The following IQCE variants were observed in gnomAD, a reference collection of about 807,000 sequenced individuals.
IQCE encodes IQ domain-containing protein E.
Under a neutral mutation model 96.0 loss-of-function variants are expected in IQCE, and 115 were observed. That is an observed-to-expected ratio of 1.20 (90% confidence interval 1.03 to 1.40). IQCE has a LOEUF of 1.40. Ranked by LOEUF, IQCE falls within the 40% of genes most tolerant of loss-of-function variation. The pLI, the probability that IQCE is intolerant of heterozygous loss-of-function variation, is 0.00. For missense variants in IQCE, 1,041 were observed against 909.1 expected, an observed-to-expected ratio of 1.15 and a Z score of -1.87; for synonymous variants, 412 against 371.2, an observed-to-expected ratio of 1.11 and a Z score of -1.26.
intron 16 of IQCE, among the ~76,000 whole-genome samples, chr7:2,597,449 C>G (rs1784129559): frequency 6.6e-6 from 1 of 152,246 alleles, no homozygotes; most frequent in African/African-American, 2.4e-5. Flanking sequence ...CCAGAGCAAG[C>G]CGTTCTGTGT....
rs932403490 is a variant in IQCE at position 2,594,781 on chromosome 7, G to A, written c.1350-105G>A. The A allele has an allele frequency of 1.8e-5, 14 of 787,868 alleles. No individual in the cohort carries two copies. In the African/African-American group the frequency reaches 2.4e-4, roughly 13 times the overall value. 48.8% of individuals were successfully genotyped at this position (787,868 alleles called of 1,614,324 possible). On this transcript the variant is annotated intron_variant, in intron 15 of 21. Transcript: ENST00000402050. ...CCACCAGCTCTCTACAGGCTGCCTG[G>A]TGTCCCCCTGTCTCCGCCTGGACCG... is the stretch of plus-strand genomic sequence containing the variant.
In IQCE at chr7:2,610,085, G is replaced by C. The variant is rs1347244937; in HGVS notation, c.2011G>C (p.Gly671Arg). ...SGPQALAPLPGDDVNSDDSDD... is the reference protein window; with the variant it reads ...SGPQALAPLPRDDVNSDDSDD... ...GCCACAGGCCTTGGCACCTCTACCT[G>C]GGGATGACGTCAACTCCGATGATTC... The change falls in exon 22 of 22, where the codon GGG (glycine) becomes CGG (arginine). Residue 671 changes from glycine to arginine, a missense_variant. Coordinates refer to ENST00000402050, the MANE Select transcript of IQCE (RefSeq NM_152558.5). 6.2e-7 allele frequency: 1 copy of C among 1,612,526 alleles called. No homozygotes were observed. The highest frequency in any genetic ancestry group is 8.5e-7 in the Non-Finnish European group (1 of 1,178,524).
In IQCE at chr7:2,579,015, C is replaced by A. The variant is rs1394306791; in HGVS notation, c.630+489C>A. Among the ~76,000 whole-genome samples, 3 of 150,100 alleles carry A rather than the reference C, an allele frequency of 2.0e-5. No individual in the cohort carries two copies. The South Asian group carries it at 6.3e-4, about 32-fold the overall frequency. ...CAGAGGTTGCGGTGAGTTGAGATCG[C>A]GCCACTGCACTCCAGCCTGGGTGAC... On this transcript the variant is annotated intron_variant, in intron 8 of 21. Coordinates refer to ENST00000402050, the MANE Select transcript of IQCE (RefSeq NM_152558.5).
At position 2,598,564 on chromosome 7, in the gene IQCE, T is replaced by G. The variant is rs773828713; in HGVS notation, c.1540T>G (p.Cys514Gly). Residue 514 changes from cysteine to glycine, a missense_variant, in exon 17 of 22, where the codon TGC becomes GGC. Coordinates refer to ENST00000402050, the MANE Select transcript of IQCE (RefSeq NM_152558.5). The part of the protein sequence containing the change: ...EEGLPRPRSP[C>G]SDGRRDAAAR... ...GGGGCTCCCGCGGCCCCGCTCCCCC[T>G]GCTCTGATGGGAGAAGAGACGCCGC... 2.5e-6 allele frequency: 4 copies of G among 1,610,216 alleles called. No homozygotes were observed. Among genetic ancestry groups the G allele is most frequent in the Non-Finnish European group, 3.4e-6 (4 of 1,178,508 alleles).
rs1432170197 is a variant in IQCE, at chr7:2,578,987, T to C, written c.630+461T>C. Among the ~76,000 whole-genome samples the C allele has an allele frequency of 2.0e-4, 30 of 149,566 alleles. No individual in the cohort carries two copies. The Admixed American group carries it at 2.0e-3, about 10-fold the overall frequency. On this transcript the variant is annotated intron_variant, in intron 8 of 21. Coordinates refer to ENST00000402050, the MANE Select transcript of IQCE (RefSeq NM_152558.5). The stretch of plus-strand genomic sequence containing the variant: ...GGCACAAGAATTGCTTGAACCTGTA[T>C]GGCAGAGGTTGCGGTGAGTTGAGAT...
chr7:2,591,221 C>G (rs1340214907), intron 14 of IQCE, among the ~76,000 whole-genome samples: 20 of 152,088 alleles, frequency 1.3e-4, no homozygotes, highest in African/African-American at 4.6e-4. Context: ...CCACTGCATG[C>G]CAGCCTGGGT....
At chr7:2,564,079 G>T (rs1781182934) in intron 1 of IQCE, among the ~76,000 whole-genome samples, 1 of 151,580 alleles carries the variant, frequency 6.6e-6, no homozygotes, top group Non-Finnish European at 1.5e-5. Flanking sequence ...TGACATGGTG[G>T]TGCACACCTG....
At chr7:2,598,704 C>T (rs1199856718) in intron 17 of IQCE, 72 bp downstream of exon 17, 2 of 1,353,250 alleles carry the variant, frequency 1.5e-6, no homozygotes, top group African/African-American at 1.5e-5. Flanking sequence ...ACTCACTCTC[C>T]AGGAATGACT....
chr7:2,607,972 G>T (rs751646313), intron 21 of IQCE, among the ~76,000 whole-genome samples: 4 of 152,188 alleles, frequency 2.6e-5, no homozygotes, highest in Non-Finnish European at 5.9e-5. Flanking sequence ...AGTGTCAGGC[G>T]AAGGGCTTTG....
At position 2,601,450 on chromosome 7, in the gene IQCE, G is replaced by A. The variant is rs1784426253; in HGVS notation, c.1618G>A (p.Ala540Thr). The A allele has an allele frequency of 1.3e-6, 2 of 1,570,390 alleles. No individual in the cohort carries two copies. The highest frequency in any genetic ancestry group is 2.2e-5 in the East Asian group (1 of 44,652). ...CTTTTTTTTTTTCCAGAAAAAAAAG[G>A]CTGTTCTGGATGAGGTAAGCGAGGT... ...WKVYKHKKKK[A>T]VLDEAAVVLQ... is the part of the protein sequence containing the mutation. The change falls in exon 18 of 22, where the codon GCT becomes ACT. Residue 540 changes from alanine to threonine, a missense_variant. Coordinates refer to ENST00000402050, the MANE Select transcript of IQCE (RefSeq NM_152558.5).
chr7:2,601,580 C>T (rs1784437819), intron 18 of IQCE, 116 bp downstream of exon 18: 28 of 830,410 alleles, frequency 3.4e-5, no homozygotes, highest in Admixed American at 3.7e-5. Flanking sequence ...GATGGAATCT[C>T]GCTCTGTGGC....
intron 16 of IQCE, among the ~76,000 whole-genome samples, chr7:2,595,755 A>G (rs1254155213): frequency 7.3e-6 from 1 of 136,438 alleles, no homozygotes; most frequent in East Asian, 2.2e-4. Flanking sequence ...GGTCGCAGCC[A>G]TGCTCCGGTC....
chr7:2,586,521 T>G, intron 12 of IQCE, 150 bp downstream of exon 12: 1 of 811,898 alleles, frequency 1.2e-6, no homozygotes, highest in Non-Finnish European at 1.9e-6. Flanking sequence ...TGCCAGCACC[T>G]GCCGCGGGCC....
chr7:2,603,806 A>C (rs1211085622), intron 18 of IQCE, among the ~76,000 whole-genome samples: 1 of 150,992 alleles, frequency 6.6e-6, no homozygotes, highest in Non-Finnish European at 1.5e-5. Context: ...TTCTGTTCCA[A>C]CAGCGGCAAG....
intron 10 of IQCE, 93 bp downstream of exon 10, chr7:2,583,802 C>T (rs1396009003): frequency 9.7e-6 from 1 of 103,018 alleles, no homozygotes; most frequent in African/African-American, 3.6e-5. Context: ...GGGCGGAGGG[C>T]GGGCACCGTG....
At chr7:2,597,175 G>A (rs1194037425) in intron 16 of IQCE, 11 of 464,812 alleles carry the variant, frequency 2.4e-5, no homozygotes, top group Non-Finnish European at 4.5e-5. Flanking sequence ...CTGGAAGCTT[G>A]AAGAATTTCA....
chr7:2,596,012 T>C (rs1467995636), intron 16 of IQCE, among the ~76,000 whole-genome samples: 1 of 152,248 alleles, frequency 6.6e-6, no homozygotes, highest in Non-Finnish European at 1.5e-5. Context: ...AGGAGGATCC[T>C]TCAGAAGGCA....
At chr7:2,564,865 T>G (rs1328973111) in intron 1 of IQCE, among the ~76,000 whole-genome samples, 3 of 152,226 alleles carry the variant, frequency 2.0e-5, no homozygotes, top group Admixed American at 6.5e-5. Flanking sequence ...TGCCTCGCTC[T>G]CCTGTCTGTT....
chr7:2,602,883 C>A (rs1583508545), intron 18 of IQCE, among the ~76,000 whole-genome samples: 1 of 152,218 alleles, frequency 6.6e-6, no homozygotes, highest in African/African-American at 2.4e-5. Context: ...GAGCATGTTG[C>A]CATCTGATGG....
Sources: gnomAD v4.1 joint callset for allele counts (sites outside exome capture counted in the v4.1 genomes callset) on GRCh38, gnomAD v4.1.1 for gene constraint, MANE v1.5 for transcripts, NCBI Gene and HGNC (gene_info 2026-07-23, HGNC 2026-07-21) for gene names.